Variants in LRRC7 observed in about 807,000 individuals in gnomAD.
The protein encoded by LRRC7 is leucine-rich repeat-containing protein 7.
Under a neutral mutation model 175.7 loss-of-function variants are expected in LRRC7, and 23 were observed. The observed-to-expected ratio is 0.13, with a 90% CI of 0.09 to 0.19. The LOEUF is 0.19. LRRC7 is among the 10% of genes least tolerant of loss of function. The pLI, the probability that LRRC7 is intolerant of heterozygous loss-of-function variation, is 1.00. For synonymous variants in LRRC7, 685 were observed against 680.9 expected (o/e 1.01, Z -0.09); for missense variants, 1,354 against 1,904.7 (o/e 0.71, Z 5.38).
At chr1:70,120,195 G>A (rs954128779) in intron 26 of LRRC7, among the ~76,000 whole-genome samples, 1 of 152,066 alleles carries the variant, frequency 6.6e-6, no homozygotes, top group Non-Finnish European at 1.5e-5. Flanking sequence ...AGAAATCTGA[G>A]CTGTGTAACA....
intron 8 of LRRC7, among the ~76,000 whole-genome samples, chr1:69,956,913 G>C (rs12030987): frequency 6.6e-6 from 1 of 151,380 alleles, no homozygotes; most frequent in African/African-American, 2.4e-5. Flanking sequence ...ATTGCTCTAC[G>C]TAACATTACT....
intron 25 of LRRC7, among the ~76,000 whole-genome samples, chr1:70,099,025 G>T (rs984521520): frequency 2.2e-4 from 33 of 151,810 alleles, no homozygotes; most frequent in Non-Finnish European, 4.0e-4. Context: ...CCACAAAAGA[G>T]AATTTTAGAC....
At chr1:69,824,434 C>T (rs1251762418) in intron 4 of LRRC7, among the ~76,000 whole-genome samples, 1 of 152,064 alleles carries the variant, frequency 6.6e-6, no homozygotes, top group Admixed American at 6.6e-5. Context: ...TCATTAAATT[C>T]ATACACAATG....
At chr1:70,007,193 AG>A (rs1656069724) in intron 11 of LRRC7, among the ~76,000 whole-genome samples, 1 of 152,174 alleles carries the variant, frequency 6.6e-6, no homozygotes, top group Admixed American at 6.5e-5. Flanking sequence ...CCCCATTCTG[AG>A]GCTATCCCAG....
chr1:69,829,273 A>G (rs1425696737), intron 5 of LRRC7, among the ~76,000 whole-genome samples: 1 of 151,898 alleles, frequency 6.6e-6, no homozygotes, highest in Non-Finnish European at 1.5e-5. Context: ...TCTGATATCA[A>G]TACATGTGCT....
chr1:70,110,894 TATA>T (rs1665484260), intron 26 of LRRC7, among the ~76,000 whole-genome samples: 1 of 152,208 alleles, frequency 6.6e-6, no homozygotes, highest in Non-Finnish European at 1.5e-5. Flanking sequence ...TTTATCTATA[TATA>T]ATACTATTGT....
rs746942619 is a variant in LRRC7, at chr1:70,038,114, A to T, written c.2290A>T (p.Ile764Phe). The change falls in exon 21 of 27, where the codon ATT becomes TTT. Residue 764 changes from isoleucine (I) to phenylalanine (F), a missense_variant and splice_region_variant. Ile to Phe is a conservative substitution (Grantham distance 21). Transcript: ENST00000651989. ...TTCTTCTTCCCATTGTGTTCACAGG[A>T]TTGCACCATCTTTCCCACAGCCTCT... ...AVHNSLWGNRIAPSFPQPLDS... is the reference protein window; with the variant it reads ...AVHNSLWGNRFAPSFPQPLDS... The T allele has an allele frequency of 1.2e-6, 2 of 1,604,080 alleles. No homozygotes were observed. The highest frequency in any genetic ancestry group is 3.4e-5 in the Admixed American group (2 of 59,076).
In LRRC7 at chr1:69,723,930, T is replaced by C. The variant is rs1346866305; in HGVS notation, c.101-36261T>C. ...CCAAAGGCCCCTTCTCCTAATACTT[T>C]ACTTTGGAGGTTAAAATTTCAACAT... On this transcript the variant is annotated intron_variant, in intron 2 of 26. Transcript: ENST00000651989. Among the ~76,000 whole-genome samples, 8 of 152,326 alleles carry C rather than the reference T, an allele frequency of 5.3e-5. No individual in the cohort carries two copies. The South Asian group carries it at 1.7e-3, about 32-fold the overall frequency.
chr1:69,967,925 C>T (rs1557940044), intron 8 of LRRC7, among the ~76,000 whole-genome samples: 1 of 152,028 alleles, frequency 6.6e-6, no homozygotes, highest in Non-Finnish European at 1.5e-5. Flanking sequence ...CACAATAGCT[C>T]ACCAGCAATG....
In LRRC7 at chr1:69,733,144, GAA is replaced by G. The variant is rs1667763576; in HGVS notation, c.101-27041_101-27040del. ...GCTCTATTTATAAATGAGGACATGTGAAAAAAAGATGCTTTGACTCAGATGGT... is the reference window on the plus strand; with the variant it reads ...GCTCTATTTATAAATGAGGACATGTGAAAAAGATGCTTTGACTCAGATGGT... On this transcript the variant is annotated intron_variant, in intron 2 of 26. Transcript: ENST00000651989. Among the ~76,000 whole-genome samples, 3 of 152,122 alleles carry G rather than the reference GAA, an allele frequency of 2.0e-5. No individual in the cohort carries two copies. In the South Asian group the frequency reaches 6.2e-4, roughly 32 times the overall value.
At chr1:69,718,305 G>A (rs1665969645) in intron 2 of LRRC7, among the ~76,000 whole-genome samples, 1 of 151,668 alleles carries the variant, frequency 6.6e-6, no homozygotes, top group East Asian at 1.9e-4. Flanking sequence ...GGTAGAGGTA[G>A]AGAAGAGAAG....
In LRRC7 at chr1:69,678,445, C is replaced by G; in HGVS notation, c.67C>G (p.Arg23Gly). The change falls in exon 2 of 27, where the codon CGT becomes GGT. Residue 23 changes from arginine (R) to glycine (G), a missense_variant. Physicochemically the swap from Arg to Gly is moderately radical, Grantham distance 125. This residue lies in a region of LRRC7 where 68 missense variants were observed against 83.4 expected (regional missense o/e 0.82). Transcript: ENST00000651989. ...QYQRSPCKEV[R>G]AALRKRPEEE... ...CCAGAGAAGTCCTTGTAAAGAGGTT[C>G]GTGCAGCACTTCGGAAGAGGCCTGA... The G allele has an allele frequency of 6.2e-7, 1 of 1,604,990 alleles. No homozygotes were observed. The highest frequency in any genetic ancestry group is 8.5e-7 in the Non-Finnish European group (1 of 1,176,088).
intron 8 of LRRC7, among the ~76,000 whole-genome samples, chr1:69,938,404 A>C (rs112553186): frequency 6.6e-6 from 1 of 152,110 alleles, no homozygotes; most frequent in Non-Finnish European, 1.5e-5. Context: ...AGAATTGTTA[A>C]TCTCAATATT....
chr1:70,124,163 T>C lies in LRRC7; in HGVS notation c.*2276T>C, dbSNP rs1334807797. Reference sequence around the variant, plus strand: ...TCCTTGACCAACTGGAAAAGTTATCTGATATGCCAAAGCACCTCACTGTCA... The same window carrying C: ...TCCTTGACCAACTGGAAAAGTTATCCGATATGCCAAAGCACCTCACTGTCA... On this transcript the variant is annotated 3_prime_UTR_variant, in exon 27 of 27. Transcript: ENST00000651989. Among the ~76,000 whole-genome samples, 1 of 152,212 alleles carries C rather than the reference T, an allele frequency of 6.6e-6. No individual in the cohort carries two copies. Among genetic ancestry groups the C allele is most frequent in the Non-Finnish European group, 1.5e-5 (1 of 68,034 alleles).
At chr1:69,904,571 C>T (rs10568343) in intron 7 of LRRC7, among the ~76,000 whole-genome samples, 25,039 of 73,698 alleles carry the variant, frequency 0.34, 3,280 homozygotes, top group African/African-American at 0.46. Context: ...TTTAGTATTT[C>T]GAGTAACATA....
intron 11 of LRRC7, among the ~76,000 whole-genome samples, chr1:70,005,313 C>A (rs1207770961): frequency 6.6e-6 from 1 of 152,086 alleles, no homozygotes; most frequent in African/African-American, 2.4e-5. Flanking sequence ...GAAGGTGAAG[C>A]CCAAAGCCAA....
intron 9 of LRRC7, among the ~76,000 whole-genome samples, chr1:69,983,584 G>A (rs1653648047): frequency 6.6e-6 from 1 of 152,126 alleles, no homozygotes; most frequent in Admixed American, 6.5e-5. Context: ...CCCATTCCCA[G>A]AGACCTCCAT....
chr1:69,963,668 A>T (rs1651365707), intron 8 of LRRC7, among the ~76,000 whole-genome samples: 1 of 152,202 alleles, frequency 6.6e-6, no homozygotes, highest in Non-Finnish European at 1.5e-5. Context: ...TTGAATTATA[A>T]AATGAGAGTG....
chr1:69,677,572 A>G (rs1191816134), intron 1 of LRRC7, among the ~76,000 whole-genome samples: 1 of 152,112 alleles, frequency 6.6e-6, no homozygotes, highest in Non-Finnish European at 1.5e-5. Context: ...CCATGCCAAC[A>G]TCTATTGTAT....
Sources: gnomAD v4.1 joint callset for allele counts (sites outside exome capture counted in the v4.1 genomes callset) on GRCh38, gnomAD v4.1.1 for gene constraint, gnomAD v4.1.1 regional missense constraint, MANE v1.5 for transcripts, NCBI Gene and HGNC (gene_info 2026-07-23, HGNC 2026-07-21) for gene names.